VSTM4: variants seen among roughly 807,000 people sequenced by gnomAD.
The protein encoded by VSTM4 is V-set and transmembrane domain containing 4.
In VSTM4, 20 loss-of-function variants were observed where a neutral mutation model predicts 36.4. The observed-to-expected ratio is 0.55, with a 90% CI of 0.39 to 0.80. The LOEUF (loss-of-function observed/expected upper bound fraction) is 0.80. Ranked by LOEUF, VSTM4 falls within the 30% of genes least tolerant of loss-of-function variation. The pLI is 0.00. For synonymous variants in VSTM4, 182 were observed against 173.9 expected (o/e 1.05, Z -0.37); for missense variants, 392 against 404.5 (o/e 0.97, Z 0.26).
At chr10:49,075,337 C>T (rs1003830892) in intron 4 of VSTM4, among the ~76,000 whole-genome samples, 1 of 152,210 alleles carries the variant, frequency 6.6e-6, no homozygotes, top group Admixed American at 6.5e-5. Flanking sequence ...GCATACCCAG[C>T]TTGGAAACTG....
intron 5 of VSTM4, among the ~76,000 whole-genome samples, chr10:49,054,443 G>A (rs1431161142): frequency 2.0e-5 from 3 of 152,256 alleles, no homozygotes; most frequent in African/African-American, 7.2e-5. Flanking sequence ...GGGACTGAGG[G>A]TGTGGCTGGT....
intron 5 of VSTM4, among the ~76,000 whole-genome samples, chr10:49,058,741 T>C (rs1590094471): frequency 6.6e-6 from 1 of 152,220 alleles, no homozygotes; most frequent in East Asian, 1.9e-4. Context: ...GCAAGGCCCC[T>C]CATTCAGTGA....
chr10:49,055,319 C>T (rs1220593398), intron 5 of VSTM4, among the ~76,000 whole-genome samples: 1 of 152,160 alleles, frequency 6.6e-6, no homozygotes, highest in African/African-American at 2.4e-5. Context: ...TTGGTTCTGA[C>T]AAGAAAGATG....
intron 2 of VSTM4, among the ~76,000 whole-genome samples, chr10:49,097,450 T>TA (rs11451407): frequency 0.096 from 14,507 of 150,504 alleles, 2,160 homozygotes; most frequent in African/African-American, 0.32. Context: ...CAAAGGAAGG[T>TA]AAAAAAAAAG....
At chr10:49,073,620 G>C (rs2131987938) in intron 4 of VSTM4, among the ~76,000 whole-genome samples, 1 of 152,336 alleles carries the variant, frequency 6.6e-6, no homozygotes, top group East Asian at 1.9e-4. Flanking sequence ...ATGGTTTCCA[G>C]GGGGAACAAT....
At chr10:49,035,284 G>A (rs186479364) in intron 7 of VSTM4, among the ~76,000 whole-genome samples, 6 of 152,280 alleles carry the variant, frequency 3.9e-5, no homozygotes, top group African/African-American at 7.2e-5. Flanking sequence ...GCCTATCAGC[G>A]CTCAACAATT....
chr10:49,051,008 T>C (rs1843688799), intron 5 of VSTM4, among the ~76,000 whole-genome samples: 1 of 152,156 alleles, frequency 6.6e-6, no homozygotes, highest in South Asian at 2.1e-4. Context: ...CATCCTGCAC[T>C]AGAGTAGGGC....
At chr10:49,102,380 C>T (rs1844683826) in intron 2 of VSTM4, 2 of 982,360 alleles carry the variant, frequency 2.0e-6, no homozygotes, top group Non-Finnish European at 2.4e-6. Flanking sequence ...GTGATCCACC[C>T]ACCTCGGCCT....
At chr10:49,028,166 CT>C (rs2131937217) in intron 7 of VSTM4, among the ~76,000 whole-genome samples, 1 of 152,308 alleles carries the variant, frequency 6.6e-6, no homozygotes, top group Admixed American at 6.5e-5. Flanking sequence ...CCATCCTAGA[CT>C]TGAACTCAAG....
chr10:49,037,023 T>C (rs1217942612), intron 7 of VSTM4, among the ~76,000 whole-genome samples: 1 of 152,200 alleles, frequency 6.6e-6, no homozygotes, highest in Non-Finnish European at 1.5e-5. Flanking sequence ...TAGGAGATCA[T>C]GGGGCAAGGC....
At chr10:49,072,284 A>G (rs1844093047) in intron 4 of VSTM4, among the ~76,000 whole-genome samples, 1 of 152,162 alleles carries the variant, frequency 6.6e-6, no homozygotes, top group African/African-American at 2.4e-5. Flanking sequence ...TGTCAGCCCC[A>G]TGGCCCAAAC....
intron 7 of VSTM4, among the ~76,000 whole-genome samples, chr10:49,041,946 A>G (rs1168896460): frequency 6.6e-6 from 1 of 152,248 alleles, no homozygotes; most frequent in African/African-American, 2.4e-5. Context: ...GATTAGAAAC[A>G]ATATGTCCTG....
intron 2 of VSTM4, among the ~76,000 whole-genome samples, chr10:49,105,602 G>A (rs1172687953): frequency 6.6e-6 from 1 of 152,116 alleles, no homozygotes; most frequent in African/African-American, 2.4e-5. Flanking sequence ...TCATGTTTTT[G>A]GAGCAAGTTC....
At chr10:49,023,969 A>G (rs1260013077) in intron 7 of VSTM4, among the ~76,000 whole-genome samples, 1 of 152,230 alleles carries the variant, frequency 6.6e-6, no homozygotes, top group African/African-American at 2.4e-5. Flanking sequence ...TTACATTTAT[A>G]TCCAGATGTT....
At chr10:49,109,725 C>T (rs1336181236) in intron 1 of VSTM4, among the ~76,000 whole-genome samples, 2 of 152,196 alleles carry the variant, frequency 1.3e-5, no homozygotes, top group East Asian at 1.9e-4. Flanking sequence ...GGTATGAGGT[C>T]TTCTATGCCT....
chr10:49,092,793 C>T (rs892964430), intron 2 of VSTM4, among the ~76,000 whole-genome samples: 1 of 152,164 alleles, frequency 6.6e-6, no homozygotes, highest in African/African-American at 2.4e-5. Context: ...TCGAGAGGAG[C>T]ACGTCACCGG....
intron 1 of VSTM4, among the ~76,000 whole-genome samples, chr10:49,113,044 C>T (rs973600986): frequency 2.0e-4 from 30 of 152,264 alleles, no homozygotes; most frequent in Admixed American, 7.2e-4. Flanking sequence ...CACAGTCCCT[C>T]GGTTCTGAGC....
At chr10:49,074,262 G>C (rs1193385901) in intron 4 of VSTM4, among the ~76,000 whole-genome samples, 3 of 152,212 alleles carry the variant, frequency 2.0e-5, no homozygotes, top group Non-Finnish European at 4.4e-5. Context: ...GTTGATTTGA[G>C]GGGGTACACA....
intron 4 of VSTM4, among the ~76,000 whole-genome samples, chr10:49,075,290 G>A (rs1382091682): frequency 1.3e-5 from 2 of 152,048 alleles, no homozygotes. Flanking sequence ...GCAGACTCTC[G>A]ATCATGCCCC....
Sources: allele counts gnomAD v4.1 joint callset (sites outside exome capture counted in the v4.1 genomes callset), GRCh38; gene constraint gnomAD v4.1.1; transcripts MANE v1.5; gene names NCBI Gene and HGNC (gene_info 2026-07-23, HGNC 2026-07-21).